PARN: variants seen among roughly 807,000 people sequenced by gnomAD.
PARN encodes poly(A)-specific ribonuclease.
Under a neutral mutation model 102.8 loss-of-function variants are expected in PARN, and 71 were observed. The observed-to-expected ratio is 0.69, with a 90% CI of 0.57 to 0.84. The LOEUF (loss-of-function observed/expected upper bound fraction) is 0.84. PARN is among the 40% of genes least tolerant of loss of function. PARN has a pLI of 0.00. For missense variants in PARN, 782 were observed against 760.9 expected (o/e 1.03, Z -0.33); for synonymous variants, 261 against 252.9 (o/e 1.03, Z -0.30).
At chr16:14,597,435 G>A (rs1368149465) in intron 12 of PARN, among the ~76,000 whole-genome samples, 4 of 151,986 alleles carry the variant, frequency 2.6e-5, no homozygotes, top group African/African-American at 7.2e-5. Flanking sequence ...GGTGGCTCAC[G>A]CCTGTAATCC....
At chr16:14,562,429 TC>T (rs1968125663) in intron 18 of PARN, among the ~76,000 whole-genome samples, 1 of 131,472 alleles carries the variant, frequency 7.6e-6, no homozygotes, top group Non-Finnish European at 1.6e-5. Flanking sequence ...CGGGACTCTG[TC>T]TCGAAAAAAA....
intron 6 of PARN, among the ~76,000 whole-genome samples, chr16:14,612,621 G>A (rs564370192): frequency 9.7e-4 from 147 of 150,928 alleles, no homozygotes; most frequent in African/African-American, 3.3e-3. Flanking sequence ...TTTTTAGAAC[G>A]AAGTCTTGCT....
intron 22 of PARN, among the ~76,000 whole-genome samples, chr16:14,452,303 G>C (rs924304998): frequency 3.3e-5 from 5 of 152,166 alleles, no homozygotes; most frequent in African/African-American, 4.8e-5. Flanking sequence ...TGCTTCTGCA[G>C]GGTTCTTGTT....
intron 18 of PARN, chr16:14,558,587 C>T (rs1480329319): frequency 6.6e-6 from 1 of 151,780 alleles, no homozygotes; most frequent in Non-Finnish European, 1.5e-5. Context: ...ACTGCTATAC[C>T]ATCAAATATG....
At chr16:14,509,761 C>G (rs1965085282) in intron 21 of PARN, among the ~76,000 whole-genome samples, 1 of 152,168 alleles carries the variant, frequency 6.6e-6, no homozygotes. Flanking sequence ...TCAGTACATC[C>G]TCAACCCCTG....
chr16:14,539,947 T>A (rs888386468), intron 21 of PARN, among the ~76,000 whole-genome samples: 13 of 152,220 alleles, frequency 8.5e-5, no homozygotes, highest in South Asian at 2.1e-4. Context: ...GCATTTGCAT[T>A]GTTAGGCATG....
intron 21 of PARN, among the ~76,000 whole-genome samples, chr16:14,545,114 G>A (rs568630008): frequency 6.6e-6 from 1 of 152,300 alleles, no homozygotes; most frequent in Admixed American, 6.5e-5. Flanking sequence ...CTTGAGCCCA[G>A]GAGGTGGAGG....
intron 12 of PARN, among the ~76,000 whole-genome samples, chr16:14,596,287 A>G (rs909050480): frequency 2.3e-4 from 35 of 152,288 alleles, no homozygotes; most frequent in African/African-American, 7.7e-4. Context: ...AGGGCACAGG[A>G]GCCAAGTCAA....
intron 5 of PARN, among the ~76,000 whole-genome samples, chr16:14,625,458 T>C (rs1972587673): frequency 6.6e-6 from 1 of 151,956 alleles, no homozygotes; most frequent in Non-Finnish European, 1.5e-5. Context: ...GATCATGCCA[T>C]CACACTCTAG....
chr16:14,584,822 A>C (rs762329597), intron 14 of PARN, 31 bp from the exon 15 acceptor site: 1 of 1,196,216 alleles, frequency 8.4e-7, no homozygotes, highest in Admixed American at 2.5e-5. Flanking sequence ...GGTAAACAAA[A>C]TGTATATCAA....
chr16:14,612,972 T>A (rs1013131289), intron 6 of PARN, among the ~76,000 whole-genome samples: 2 of 151,472 alleles, frequency 1.3e-5, no homozygotes, highest in African/African-American at 2.4e-5. Flanking sequence ...AAGAGAAAGG[T>A]GTTGAGATAT....
At position 14,580,284 on chromosome 16, in the gene PARN, T is replaced by C. The variant is rs190544408; in HGVS notation, c.1262+590A>G. On this transcript the variant is annotated intron_variant, in intron 18 of 23. Transcript: ENST00000437198. ...CGCGCCTGGCCAGGAAATTTTCTTT[T>C]GTTTTTTTTGTTTTTTTTTTTCAGA... Among the ~76,000 whole-genome samples the C allele has an allele frequency of 9.8e-4, 149 of 151,522 alleles. 1 individual carries two copies. In the South Asian group the frequency reaches 0.016, roughly 17 times the overall value.
At position 14,605,827 on chromosome 16, in the gene PARN, T is replaced by C. The variant is rs574794810; in HGVS notation, c.702+657A>G. ...TACGACCCAAATTCTAAAATTTAAT[T>C]TTGTCTGCCCACGCAACATGAAGCC... is the stretch of plus-strand genomic sequence containing the variant. On this transcript the variant is annotated intron_variant, in intron 10 of 23. Transcript: ENST00000437198. Among the ~76,000 whole-genome samples the C allele has an allele frequency of 5.9e-4, 90 of 152,312 alleles. 2 individuals are homozygous for C. Among genetic ancestry groups the C allele is most frequent in the African/African-American group, 2.1e-3 (87 of 41,572 alleles).
At chr16:14,569,977 T>C (rs1439624695) in intron 18 of PARN, among the ~76,000 whole-genome samples, 1 of 152,228 alleles carries the variant, frequency 6.6e-6, no homozygotes, top group Non-Finnish European at 1.5e-5. Context: ...CAAAAACCAC[T>C]GAACTATACA....
chr16:14,615,264 G>A (rs920688454), intron 6 of PARN, among the ~76,000 whole-genome samples: 7 of 150,522 alleles, frequency 4.7e-5, no homozygotes, highest in Admixed American at 4.0e-4. Flanking sequence ...ACAGAAGAAG[G>A]AGGCACATTC....
At chr16:14,610,548 G>T in intron 7 of PARN, 96 bp downstream of exon 7, 1 of 729,828 alleles carries the variant, frequency 1.4e-6, no homozygotes, top group Non-Finnish European at 2.4e-6. Context: ...ACCCGTGTGT[G>T]TACTATGTTT....
At chr16:14,540,612 A>G (rs1448766069) in intron 21 of PARN, among the ~76,000 whole-genome samples, 1 of 152,182 alleles carries the variant, frequency 6.6e-6, no homozygotes, top group Non-Finnish European at 1.5e-5. Flanking sequence ...GGTATGTGAT[A>G]TGGAAGGAAG....
At chr16:14,576,088 T>C (rs1217790630) in intron 18 of PARN, 2 of 152,406 alleles carry the variant, frequency 1.3e-5, no homozygotes, top group Non-Finnish European at 2.9e-5. Flanking sequence ...ATTTTGTAAA[T>C]TGCCCTGTCT....
chr16:14,457,578 T>A (rs1370892237), intron 22 of PARN, among the ~76,000 whole-genome samples: 1 of 151,894 alleles, frequency 6.6e-6, no homozygotes, highest in Non-Finnish European at 1.5e-5. Flanking sequence ...GGTGGGCAGA[T>A]CACTTGAGGT....
Sources: allele counts gnomAD v4.1 joint callset (sites outside exome capture counted in the v4.1 genomes callset), GRCh38; gene constraint gnomAD v4.1.1; transcripts MANE v1.5; gene names NCBI Gene and HGNC (gene_info 2026-07-23, HGNC 2026-07-21).